The following ACSF3 variants were observed in gnomAD, a reference collection of about 807,000 sequenced individuals.
The protein encoded by ACSF3 is malonate--CoA ligase ACSF3, mitochondrial.
In ACSF3, 78 loss-of-function variants were observed where a neutral mutation model predicts 53.2. The ratio of observed to expected loss-of-function variants is 1.47; its 90% CI spans 1.22 to 1.77. The LOEUF (loss-of-function observed/expected upper bound fraction) is 1.77, where lower values mean the gene tolerates loss of function less well. Among genes scored for constraint, ACSF3 ranks in the 40% most tolerant of loss-of-function variants. The pLI is 0.00. For synonymous variants in ACSF3, 414 were observed against 333.1 expected (o/e 1.24, Z -2.65); for missense variants, 937 against 771.1 (o/e 1.22, Z -2.55).
At chr16:89,122,300 A>T in intron 7 of ACSF3, 1 of 337,366 alleles carries the variant, frequency 3.0e-6, no homozygotes, top group South Asian at 2.2e-5. Context: ...GCCCCCACAG[A>T]GCCATGGGGC....
At position 89,100,842 on chromosome 16, in the gene ACSF3, G is replaced by A; in HGVS notation, c.161G>A (p.Gly54Glu). 6.2e-7 allele frequency: 1 copy of A among 1,613,550 alleles called. No homozygotes were observed. ...GTGTTCACCCGTGCCCTGGCCTTTG[G>A]GGACAGAATCGCCCTGGTTGACCAG... ...APVFTRALAF[G>E]DRIALVDQHG... The change falls in exon 3 of 11, where the codon GGG becomes GAG. Residue 54 changes from glycine (G) to glutamate (E), a missense_variant. Physicochemically the swap from Gly to Glu is moderately conservative, Grantham distance 98. Transcript: ENST00000614302.
At chr16:89,139,962 C>G (rs1318831400) in intron 8 of ACSF3, among the ~76,000 whole-genome samples, 1 of 152,166 alleles carries the variant, frequency 6.6e-6, no homozygotes, top group Non-Finnish European at 1.5e-5. Flanking sequence ...TGAGGAGCCA[C>G]CAGCTGAGGA....
At chr16:89,098,435 CG>C (rs1258745053) in intron 1 of ACSF3, among the ~76,000 whole-genome samples, 155 bp from the exon 2 acceptor site, 1 of 152,192 alleles carries the variant, frequency 6.6e-6, no homozygotes, top group African/African-American at 2.4e-5. Flanking sequence ...CACTGCTGCC[CG>C]TTGTCGGGAG....
chr16:89,128,410 G>A lies in ACSF3; in HGVS notation c.1240-4726G>A, dbSNP rs924830620. On this transcript the variant is annotated intron_variant, in intron 7 of 10. Transcript: ENST00000614302. The stretch of plus-strand genomic sequence containing the variant: ...TGAGTAGCTGGGAGTATAGGCATGC[G>A]CCACCACGCCCAGCTAATTTTTTGT... Among the ~76,000 whole-genome samples the A allele has an allele frequency of 3.3e-5, 5 of 151,688 alleles. No homozygotes were observed. In the South Asian group the frequency reaches 6.2e-4, roughly 19 times the overall value.
At chr16:89,117,731 C>T (rs1379175970) in intron 6 of ACSF3, among the ~76,000 whole-genome samples, 2 of 152,258 alleles carry the variant, frequency 1.3e-5, no homozygotes, top group South Asian at 2.1e-4. Flanking sequence ...GGCTCAGCTT[C>T]CCCACGCTGG....
intron 8 of ACSF3, among the ~76,000 whole-genome samples, chr16:89,136,236 C>T (rs905642539): frequency 4.6e-5 from 7 of 152,350 alleles, no homozygotes; most frequent in East Asian, 1.9e-4. Context: ...CACTCGCAGT[C>T]GCCAGTGCTG....
chr16:89,103,476 C>T lies in ACSF3; in HGVS notation c.822+717C>T, dbSNP rs142866310. ...GTCCAGCTCTGCTTCTGCAGGCACA[C>T]GGCCTTCTCTCCGTAGTCAGGGCTC... On this transcript the variant is annotated intron_variant, in intron 4 of 10. Coordinates refer to ENST00000614302, the MANE Select transcript of ACSF3 (RefSeq NM_001243279.3). Among the ~76,000 whole-genome samples, 145 of 152,362 alleles carry T rather than the reference C, an allele frequency of 9.5e-4. 1 individual carries two copies. The highest frequency in any genetic ancestry group is 3.4e-3 in the Middle Eastern group (1 of 294).
At position 89,154,276 on chromosome 16, in the gene ACSF3, G is replaced by A. The variant is rs1202881182; in HGVS notation, c.*69G>A. ...TCCCCTTCACACCGAGAACCACGGGGGCCCGTCCAAGACCTGGCCTCCCTT... is the reference window on the plus strand; with the variant it reads ...TCCCCTTCACACCGAGAACCACGGGAGCCCGTCCAAGACCTGGCCTCCCTT... On this transcript the variant is annotated 3_prime_UTR_variant, in exon 11 of 11. Coordinates refer to ENST00000614302, the MANE Select transcript of ACSF3 (RefSeq NM_001243279.3). 1 of 1,478,366 alleles carries A rather than the reference G, an allele frequency of 6.8e-7. No individual in the cohort carries two copies. Among genetic ancestry groups the A allele is most frequent in the African/African-American group, 1.4e-5 (1 of 72,318 alleles). The allele number at this position is 1,478,366 out of a possible 1,614,324, so 91.6% of individuals were successfully genotyped here.
At chr16:89,146,512 C>T (rs1267154556) in intron 10 of ACSF3, among the ~76,000 whole-genome samples, 1 of 152,212 alleles carries the variant, frequency 6.6e-6, no homozygotes, top group Non-Finnish European at 1.5e-5. Flanking sequence ...CTGCAAGGCC[C>T]ACCCATTCTC....
rs936880495 is a variant in ACSF3 at position 89,155,315 on chromosome 16, G to A, written c.*1108G>A. Reference sequence around the variant, plus strand: ...CACGTCTGAAAGAGTGGCCAGAAACGAGTGTGCCGGGCAGGAGGCCAGCCC... The same window carrying A: ...CACGTCTGAAAGAGTGGCCAGAAACAAGTGTGCCGGGCAGGAGGCCAGCCC... On this transcript the variant is annotated 3_prime_UTR_variant, in exon 11 of 11. Transcript: ENST00000614302. 9 of 453,336 alleles carry A rather than the reference G, an allele frequency of 2.0e-5. No homozygotes were observed. Among genetic ancestry groups the A allele is most frequent in the East Asian group, 1.4e-4 (2 of 14,392 alleles). 28.1% of individuals were successfully genotyped at this position (453,336 alleles called of 1,614,324 possible).
intron 8 of ACSF3, among the ~76,000 whole-genome samples, chr16:89,139,015 C>G (rs920248075): frequency 6.6e-6 from 1 of 152,240 alleles, no homozygotes; most frequent in Non-Finnish European, 1.5e-5. Context: ...GCCGCCAGCA[C>G]CGCCACCTCC....
rs865973210 is a variant in ACSF3 at position 89,102,814 on chromosome 16, G to A, written c.822+55G>A. ...CCCTCAGACTAGGCGCCTTTCCCCT[G>A]TCGGGGCCAGGGCTCTCAGCCGCGC... is the stretch of plus-strand genomic sequence containing the variant. On this transcript the variant is annotated intron_variant, in intron 4 of 10. Coordinates refer to ENST00000614302, the MANE Select transcript of ACSF3 (RefSeq NM_001243279.3). 85 of 1,397,104 alleles carry A rather than the reference G, an allele frequency of 6.1e-5. 1 individual carries two copies. The Middle Eastern group carries it at 2.9e-3, about 48-fold the overall frequency. 86.5% of individuals were successfully genotyped at this position (1,397,104 alleles called of 1,614,324 possible). A position where few individuals can be genotyped will look rare whatever the true frequency, so the allele number is the denominator to read the frequency against.
At chr16:89,150,478 C>T (rs1383234873) in intron 10 of ACSF3, 1 of 159,138 alleles carries the variant, frequency 6.3e-6, no homozygotes, top group Non-Finnish European at 1.4e-5. Flanking sequence ...TGGCTGTCCT[C>T]AGGGCTGCCC....
chr16:89,111,299 C>G (rs759102997), intron 4 of ACSF3, among the ~76,000 whole-genome samples: 1 of 152,216 alleles, frequency 6.6e-6, no homozygotes, highest in Non-Finnish European at 1.5e-5. Context: ...CTTTCTCTGC[C>G]AGGCAGCTGC....
At chr16:89,149,816 TGG>T (rs1206719787) in intron 10 of ACSF3, 5 of 152,020 alleles carry the variant, frequency 3.3e-5, no homozygotes, top group African/African-American at 9.7e-5. Flanking sequence ...AAAGAACCAG[TGG>T]GAAAGAGTGG....
At position 89,154,091 on chromosome 16, in the gene ACSF3, A is replaced by G; in HGVS notation, c.1615A>G (p.Asn539Asp). The change falls in exon 11 of 11, where the codon AAT becomes GAT. Residue 539 changes from asparagine to aspartate, a missense_variant and splice_region_variant. Physicochemically the swap from Asn to Asp is conservative, Grantham distance 23. Transcript: ENST00000614302. The stretch of plus-strand genomic sequence containing the variant: ...CTCAGGCTGTGCTTGTCTCTGCAGA[A>G]ATGTCCTGGCCCCGTACGCGGTGCC... The part of the protein sequence containing the change: ...SHRELKEWAR[N>D]VLAPYAVPSE... 6.2e-7 allele frequency: 1 copy of G among 1,612,600 alleles called. No individual in the cohort carries two copies. Among genetic ancestry groups the G allele is most frequent in the Non-Finnish European group, 8.5e-7 (1 of 1,179,540 alleles).
chr16:89,145,444 T>TG, intron 9 of ACSF3, 43 bp downstream of exon 9: 2 of 1,610,278 alleles, frequency 1.2e-6, no homozygotes, highest in South Asian at 2.2e-5. Context: ...GCTAGACGGG[T>TG]GCTGCCTTCC....
At chr16:89,139,261 C>T (rs976058362) in intron 8 of ACSF3, among the ~76,000 whole-genome samples, 1 of 152,150 alleles carries the variant, frequency 6.6e-6, no homozygotes, top group Non-Finnish European at 1.5e-5. Flanking sequence ...CTCCCCATGG[C>T]GCCTCCTTCC....
intron 7 of ACSF3, among the ~76,000 whole-genome samples, chr16:89,124,665 C>T (rs1907590125): frequency 1.3e-5 from 2 of 151,044 alleles, no homozygotes; most frequent in African/African-American, 4.9e-5. Context: ...ACTGTGCACG[C>T]ACTGCGTGTG....
Sources: gnomAD v4.1 joint callset for allele counts (sites outside exome capture counted in the v4.1 genomes callset) on GRCh38, gnomAD v4.1.1 for gene constraint, MANE v1.5 for transcripts, NCBI Gene and HGNC (gene_info 2026-07-23, HGNC 2026-07-21) for gene names.